Variants in ARHGAP15 observed in about 807,000 individuals in gnomAD.
The protein encoded by ARHGAP15 is rho GTPase-activating protein 15.
ARHGAP15 carries 51 observed loss-of-function variants against 63.7 expected under a neutral mutation model. The ratio of observed to expected loss-of-function variants is 0.80; its 90% CI spans 0.64 to 1.01. The LOEUF is 1.01. ARHGAP15 is among the 50% of genes least tolerant of loss of function. The pLI is 0.00. For missense variants in ARHGAP15, 560 were observed against 564.6 expected (o/e 0.99, Z 0.08); for synonymous variants, 191 against 193.8 (o/e 0.99, Z 0.12).
At chr2:143,268,975 T>C (rs1249028055) in intron 6 of ARHGAP15, among the ~76,000 whole-genome samples, 3 of 152,162 alleles carry the variant, frequency 2.0e-5, no homozygotes, top group Non-Finnish European at 4.4e-5. Context: ...AATTTAGACA[T>C]CTTAGATTCT....
chr2:143,295,591 G>A (rs562632634), intron 6 of ARHGAP15: 35 of 152,100 alleles, frequency 2.3e-4, no homozygotes, highest in African/African-American at 8.4e-4. Flanking sequence ...AAATGGGTAG[G>A]ATTTCATGAA....
chr2:143,719,326 G>A (rs1415970968), intron 13 of ARHGAP15, among the ~76,000 whole-genome samples: 1 of 152,172 alleles, frequency 6.6e-6, no homozygotes, highest in African/African-American at 2.4e-5. Context: ...TAATTAATCT[G>A]TGTATATGTT....
At chr2:143,597,119 T>C (rs1430481523) in intron 11 of ARHGAP15, among the ~76,000 whole-genome samples, 5 of 151,222 alleles carry the variant, frequency 3.3e-5, no homozygotes, top group Admixed American at 6.6e-5. Flanking sequence ...CCCATGGTAA[T>C]ACATGGCTAC....
At chr2:143,457,650 A>G (rs972019871) in intron 8 of ARHGAP15, among the ~76,000 whole-genome samples, 1 of 151,230 alleles carries the variant, frequency 6.6e-6, no homozygotes, top group Non-Finnish European at 1.5e-5. Context: ...TTAAATACCC[A>G]CAGTATTTAT....
chr2:143,609,845 A>G (rs1289626510), intron 11 of ARHGAP15, among the ~76,000 whole-genome samples: 1 of 152,116 alleles, frequency 6.6e-6, no homozygotes, highest in South Asian at 2.1e-4. Context: ...CAGGACTGTG[A>G]ATGCTTAATC....
chr2:143,674,821 A>G (rs1682744771), intron 12 of ARHGAP15, among the ~76,000 whole-genome samples: 1 of 152,164 alleles, frequency 6.6e-6, no homozygotes, highest in Non-Finnish European at 1.5e-5. Context: ...GTGAGTCATA[A>G]TCTTTTCGCT....
At chr2:143,308,911 T>A (rs2105180930) in intron 6 of ARHGAP15, among the ~76,000 whole-genome samples, 1 of 146,522 alleles carries the variant, frequency 6.8e-6, no homozygotes, top group East Asian at 2.0e-4. Flanking sequence ...GAAATTTGTA[T>A]TTGGTATTGA....
At chr2:143,559,973 A>G (rs1370614500) in intron 11 of ARHGAP15, among the ~76,000 whole-genome samples, 1 of 152,230 alleles carries the variant, frequency 6.6e-6, no homozygotes, top group Non-Finnish European at 1.5e-5. Flanking sequence ...TACATTTTTA[A>G]ACAAGTAAGC....
intron 10 of ARHGAP15, among the ~76,000 whole-genome samples, chr2:143,529,453 A>T (rs1413079398): frequency 2.0e-5 from 3 of 152,032 alleles, no homozygotes; most frequent in Non-Finnish European, 2.9e-5. Context: ...TGCCAAAATG[A>T]TCCCTCTTAA....
intron 13 of ARHGAP15, among the ~76,000 whole-genome samples, chr2:143,734,498 G>T (rs982080741): frequency 6.6e-6 from 1 of 152,066 alleles, no homozygotes; most frequent in African/African-American, 2.4e-5. Context: ...TTGTTCCCTC[G>T]TAAAAAATTG....
At position 143,262,558 on chromosome 2, in the gene ARHGAP15, T is replaced by TTTTTTTTTTC. The variant is rs1316090737; in HGVS notation, c.474+11959_474+11960insTTTTTTTTCT. 6.0e-5 allele frequency among the ~76,000 whole-genome samples: 9 copies of TTTTTTTTTTC among 149,760 alleles called. No homozygotes were observed. In the East Asian group the frequency reaches 1.8e-3, roughly 30 times the overall value. On this transcript the variant is annotated intron_variant, in intron 6 of 13. Coordinates refer to ENST00000295095, the MANE Select transcript of ARHGAP15 (RefSeq NM_018460.4). ...TGATTTTTTTTTTTTTTTTTTTTTTTTACTTTGTCACGCCCTGTTCACTGT... is the reference window on the plus strand; with the variant it reads ...TGATTTTTTTTTTTTTTTTTTTTTTTTTTTTTTTTCTACTTTGTCACGCCCTGTTCACTGT...
At chr2:143,361,975 G>A (rs770966702) in intron 6 of ARHGAP15, among the ~76,000 whole-genome samples, 135 of 152,104 alleles carry the variant, frequency 8.9e-4, no homozygotes, top group Non-Finnish European at 1.2e-3. Context: ...TCTCTCTAGT[G>A]TTATATCCTA....
intron 6 of ARHGAP15, among the ~76,000 whole-genome samples, chr2:143,371,391 T>C (rs544871243): frequency 6.6e-6 from 1 of 152,312 alleles, no homozygotes; most frequent in African/African-American, 2.4e-5. Context: ...TGGCAATCTC[T>C]AGAGTTTCTA....
chr2:143,210,205 G>A (rs1692512427), intron 3 of ARHGAP15, among the ~76,000 whole-genome samples: 1 of 152,096 alleles, frequency 6.6e-6, no homozygotes, highest in South Asian at 2.1e-4. Flanking sequence ...GGTGGAAGTT[G>A]GGTGGTGCAT....
At chr2:143,603,628 G>T (rs897067437) in intron 11 of ARHGAP15, among the ~76,000 whole-genome samples, 4 of 152,176 alleles carry the variant, frequency 2.6e-5, no homozygotes, top group Admixed American at 1.3e-4. Flanking sequence ...AAACTCCCCA[G>T]TTGGCAATGA....
chr2:143,530,469 T>C (rs915710877), intron 10 of ARHGAP15, among the ~76,000 whole-genome samples: 4 of 152,206 alleles, frequency 2.6e-5, no homozygotes, highest in African/African-American at 7.2e-5. Flanking sequence ...TTCGACTAAC[T>C]AAAGCCAAAT....
At chr2:143,514,215 C>T (rs1229656119) in intron 9 of ARHGAP15, among the ~76,000 whole-genome samples, 1 of 152,086 alleles carries the variant, frequency 6.6e-6, no homozygotes, top group Non-Finnish European at 1.5e-5. Flanking sequence ...GGCTTATAAC[C>T]TGCATGAAAT....
chr2:143,191,408 G>C (rs1351351476), intron 2 of ARHGAP15, among the ~76,000 whole-genome samples: 1 of 152,014 alleles, frequency 6.6e-6, no homozygotes, highest in Non-Finnish European at 1.5e-5. Context: ...TGAAGTTTGT[G>C]GTGAATTCAA....
chr2:143,532,014 G>C (rs1029183355), intron 10 of ARHGAP15, among the ~76,000 whole-genome samples: 3 of 152,178 alleles, frequency 2.0e-5, no homozygotes, highest in African/African-American at 7.2e-5. Flanking sequence ...GTATACAGGA[G>C]ACAATGCATG....
Sources: allele counts gnomAD v4.1 joint callset (sites outside exome capture counted in the v4.1 genomes callset), GRCh38; gene constraint gnomAD v4.1.1; transcripts MANE v1.5; gene names NCBI Gene and HGNC (gene_info 2026-07-23, HGNC 2026-07-21).